GOSR2: variants seen among roughly 807,000 people sequenced by gnomAD.
GOSR2 encodes the protein 27 kDa Golgi SNARE protein.
GOSR2 carries 20 observed loss-of-function variants against 27.9 expected under a neutral mutation model. The observed-to-expected ratio is 0.72, with a 90% CI of 0.50 to 1.04. GOSR2 has a LOEUF of 1.04. Among genes scored for constraint, GOSR2 ranks in the 50% least tolerant of loss-of-function variants. The pLI is 0.00. For synonymous variants in GOSR2, 91 were observed against 98.8 expected (o/e 0.92, Z 0.47); for missense variants, 261 against 270.5 (o/e 0.97, Z 0.25).
intron 2 of GOSR2, 135 bp from the exon 3 acceptor site, chr17:46,930,964 G>C: frequency 1.5e-6 from 1 of 672,800 alleles, no homozygotes; most frequent in Non-Finnish European, 2.7e-6. Context: ...TTATTCATTA[G>C]TGTATACATT....
intron 2 of GOSR2, chr17:46,930,094 T>A (rs2087107557): frequency 6.4e-6 from 1 of 155,912 alleles, no homozygotes; most frequent in Admixed American, 6.1e-5. Context: ...TTTTCTGAGT[T>A]GGTCATATGG....
At chr17:46,957,322 A>G (rs1375906706) in intron 6 of GOSR2, among the ~76,000 whole-genome samples, 1 of 152,160 alleles carries the variant, frequency 6.6e-6, no homozygotes, top group Non-Finnish European at 1.5e-5. Context: ...AAACAAAAAA[A>G]GAAACCCAGG....
In GOSR2 at chr17:46,932,080, T is replaced by G; in HGVS notation, c.217T>G (p.Leu73Val). The change falls in exon 4 of 6, where the codon TTA becomes GTA. Residue 73 changes from leucine (L) to valine (V), a missense_variant. Coordinates refer to ENST00000640051, the MANE Select transcript of GOSR2 (RefSeq NM_004287.5). ...RQNARLRVDQLKYDVQHLQTA... is the reference protein window; with the variant it reads ...RQNARLRVDQVKYDVQHLQTA... ...CATCAATTCCAGTCGGGTTGACCAG[T>G]TAAAGTATGATGTCCAGCACCTGCA... is the stretch of plus-strand genomic sequence containing the variant. 2 of 1,613,730 alleles carry G rather than the reference T, an allele frequency of 1.2e-6. No individual in the cohort carries two copies. The highest frequency in any genetic ancestry group is 1.7e-6 in the Non-Finnish European group (2 of 1,179,692).
intron 5 of GOSR2, 123 bp downstream of exon 5, chr17:46,935,292 A>T: frequency 6.4e-7 from 1 of 1,571,162 alleles, no homozygotes; most frequent in East Asian, 2.3e-5. Flanking sequence ...GACAAGACAG[A>T]GCCCTTGAGT....
intron 4 of GOSR2, chr17:46,932,843 T>A (rs1395826367): frequency 6.5e-6 from 1 of 153,496 alleles, no homozygotes; most frequent in Non-Finnish European, 1.5e-5. Context: ...CTGCATAATA[T>A]ATTCCACTAA....
intron 3 of GOSR2, chr17:46,931,700 G>T: frequency 9.3e-6 from 3 of 324,198 alleles, no homozygotes; most frequent in South Asian, 3.7e-5. Context: ...GAAACTTTGT[G>T]GATGCTTTAC....
At chr17:46,945,029 C>T (rs1474014099), downstream of GOSR2, among the ~76,000 whole-genome samples, 1 of 152,126 alleles carries the variant, frequency 6.6e-6, no homozygotes, top group East Asian at 1.9e-4. Context: ...GTGAAACAAC[C>T]GAGGTTGAGA....
At chr17:46,960,462 A>T (rs887089397) in intron 6 of GOSR2, among the ~76,000 whole-genome samples, 1 of 152,238 alleles carries the variant, frequency 6.6e-6, no homozygotes, top group South Asian at 2.1e-4. Context: ...TACAGAGCTA[A>T]GCGTGTGCTT....
At chr17:46,950,886 G>T (rs1345568456) in intron 6 of GOSR2, among the ~76,000 whole-genome samples, 1 of 152,208 alleles carries the variant, frequency 6.6e-6, no homozygotes, top group Non-Finnish European at 1.5e-5. Context: ...AGAATGACTT[G>T]CCAAGGGTGA....
chr17:46,961,077 T>C lies in GOSR2; in HGVS notation c.584-5457T>C, dbSNP rs560046795. 2.0e-5 allele frequency among the ~76,000 whole-genome samples: 3 copies of C among 152,144 alleles called. No individual in the cohort carries two copies. In the South Asian group the frequency reaches 6.2e-4, roughly 32 times the overall value. ...AAAATACTAGACAAAAATAACTTGG[T>C]AGATGAGAGAGATAATTAGAATGTA... On this transcript the variant is annotated intron_variant, in intron 6 of 6. Transcript: ENST00000573224.
chr17:46,935,127 C>G lies in GOSR2; in HGVS notation c.435C>G (p.His145Gln). The change falls in exon 5 of 6, where the codon CAC becomes CAG. Residue 145 changes from histidine to glutamine, a missense_variant. By Grantham distance (24) the His-to-Gln change is conservative (BLOSUM62 0). Transcript: ENST00000640051. ...NGMDDLILDG[H>Q]NILDGLRTQR... ...TGGATGACCTCATTTTAGATGGGCA[C>G]AATATTTTAGATGGACTGAGGACCC... 6.2e-7 allele frequency: 1 copy of G among 1,614,044 alleles called. No individual in the cohort carries two copies. Among genetic ancestry groups the G allele is most frequent in the East Asian group, 2.2e-5 (1 of 44,880 alleles).
Position 46,939,374 on chromosome 17 carries a change from G to C in GOSR2, c.*614G>C. On this transcript the variant is annotated 3_prime_UTR_variant, in exon 6 of 6. Transcript: ENST00000640051. ...TAGTGCTATTGCCGATAACAAGTAA[G>C]ATTTTCCACACTACAGCTGGGTGTT... The C allele has an allele frequency of 4.0e-6, 4 of 1,001,262 alleles. No individual in the cohort carries two copies. Among genetic ancestry groups the C allele is most frequent in the Non-Finnish European group, 4.8e-6 (4 of 837,538 alleles). 62.0% of individuals were successfully genotyped at this position (1,001,262 alleles called of 1,614,324 possible). A position where few individuals can be genotyped will look rare whatever the true frequency, so the allele number is the denominator to read the frequency against.
At chr17:46,946,639 G>A (rs2089922486), downstream of GOSR2, among the ~76,000 whole-genome samples, 1 of 152,132 alleles carries the variant, frequency 6.6e-6, no homozygotes, top group Non-Finnish European at 1.5e-5. Context: ...AAAGCAGGTG[G>A]ATTATCTGAG....
At chr17:46,949,022 C>T (rs1168028411) in intron 6 of GOSR2, 1 of 152,220 alleles carries the variant, frequency 6.6e-6, no homozygotes, top group African/African-American at 2.4e-5. Flanking sequence ...CATTGTGATC[C>T]ACTGCTGTGT....
intron 5 of GOSR2, among the ~76,000 whole-genome samples, 178 bp from the exon 6 acceptor site, chr17:46,938,421 A>T (rs2088774414): frequency 6.6e-6 from 1 of 152,142 alleles, no homozygotes; most frequent in Non-Finnish European, 1.5e-5. Flanking sequence ...TGGTACCTTG[A>T]TCAAAAATCA....
chr17:46,959,944 G>A (rs1313137127), intron 6 of GOSR2, among the ~76,000 whole-genome samples: 2 of 152,196 alleles, frequency 1.3e-5, no homozygotes, highest in East Asian at 1.9e-4. Flanking sequence ...AGGACATCAT[G>A]GAGTGGACTT....
At chr17:46,946,298 A>AG (rs976562991), downstream of GOSR2, among the ~76,000 whole-genome samples, 10 of 121,966 alleles carry the variant, frequency 8.2e-5, no homozygotes, top group African/African-American at 2.8e-4. Context: ...AAAAAAAAAA[A>AG]AAAAGAAAAG....
At chr17:46,969,193 G>A (rs528658013), downstream of GOSR2, among the ~76,000 whole-genome samples, 169 of 152,292 alleles carry the variant, frequency 1.1e-3, 1 homozygote, top group African/African-American at 3.9e-3. Context: ...ACCTTCCCAG[G>A]TTTCCAGAGC....
intron 5 of GOSR2, chr17:46,937,460 A>T (rs2088588017): frequency 3.3e-5 from 5 of 152,242 alleles, no homozygotes; most frequent in Admixed American, 3.3e-4. Context: ...ATTTACAGAC[A>T]GTAAGGTATA....
Sources: gnomAD v4.1 joint callset for allele counts (sites outside exome capture counted in the v4.1 genomes callset) on GRCh38, gnomAD v4.1.1 for gene constraint, MANE v1.5 for transcripts, NCBI Gene and HGNC (gene_info 2026-07-23, HGNC 2026-07-21) for gene names.